Variants in SLC35C1 observed in about 807,000 individuals in gnomAD.
SLC35C1 encodes the protein GDP-fucose transporter 1.
SLC35C1 carries 8 observed loss-of-function variants against 23.2 expected under a neutral mutation model. The ratio of observed to expected loss-of-function variants is 0.35; its 90% CI spans 0.20 to 0.62. The LOEUF (loss-of-function observed/expected upper bound fraction) is 0.62. Among genes scored for constraint, SLC35C1 ranks in the 20% least tolerant of loss-of-function variants. The pLI, the probability that SLC35C1 is intolerant of heterozygous loss-of-function variation, is 0.75. For synonymous variants in SLC35C1, 226 were observed against 225.1 expected, an observed-to-expected ratio of 1.00 and a Z score of -0.04; for missense variants, 422 against 478.6, an observed-to-expected ratio of 0.88 and a Z score of 1.10.
intron 1 of SLC35C1, chr11:45,806,916 G>C: frequency 3.0e-6 from 3 of 985,106 alleles, no homozygotes; most frequent in Non-Finnish European, 3.6e-6. Context: ...GCTCAGGATA[G>C]CGCCTGAGAC....
chr11:45,812,287 C>T lies in SLC35C1; in HGVS notation c.*952C>T. 3.0e-6 allele frequency: 1 copy of T among 338,002 alleles called. No individual in the cohort carries two copies. Among genetic ancestry groups the T allele is most frequent in the South Asian group, 2.4e-5 (1 of 41,882 alleles). The allele number at this position is 338,002 out of a possible 1,614,324, so 20.9% of individuals were successfully genotyped here. ...AGCTGTGTCTGGCGCCCCTAGATCT[C>T]TGCAAGGGAGGTGTTACAGCTGGTT... On this transcript the variant is annotated 3_prime_UTR_variant, in exon 2 of 2. Coordinates refer to ENST00000314134, the MANE Select transcript of SLC35C1 (RefSeq NM_018389.5).
In SLC35C1 at chr11:45,812,669, G is replaced by C. The variant is rs2085963281; in HGVS notation, c.*1334G>C. 6.6e-6 allele frequency: 3 copies of C among 455,814 alleles called. No homozygotes were observed. The highest frequency in any genetic ancestry group is 3.1e-5 in the South Asian group (2 of 64,566). 28.2% of individuals were successfully genotyped at this position (455,814 alleles called of 1,614,324 possible). A position where few individuals can be genotyped will look rare whatever the true frequency, so the allele number is the denominator to read the frequency against. ...GGGTTCCGCCCCCATGACCCAATCA[G>C]CTCCAAAGGCCCCACCTCCTAATAC... On this transcript the variant is annotated 3_prime_UTR_variant, in exon 2 of 2. Coordinates refer to ENST00000314134, the MANE Select transcript of SLC35C1 (RefSeq NM_018389.5).
At position 45,806,474 on chromosome 11, in the gene SLC35C1, G is replaced by A. The variant is rs9787929; in HGVS notation, c.535+138G>A. On this transcript the variant is annotated intron_variant, in intron 1 of 1. Transcript: ENST00000314134. ...CAGTCATAGGAGAAAGAGCCTGGGG[G>A]CACAGAGAGAGCAAGTAACTTACTA... The A allele has an allele frequency of 0.09, 109,233 of 1,214,186 alleles. 8,213 individuals carry two copies. The highest frequency in any genetic ancestry group is 0.37 in the East Asian group (14,462 of 39,166). 75.2% of individuals were successfully genotyped at this position (1,214,186 alleles called of 1,614,324 possible).
intron 1 of SLC35C1, among the ~76,000 whole-genome samples, chr11:45,806,700 C>T (rs149108131): frequency 6.6e-4 from 101 of 152,308 alleles, no homozygotes; most frequent in African/African-American, 2.3e-3. Context: ...AACCAAGGCA[C>T]AGAGAAGTTA....
At chr11:45,809,664 A>T in intron 1 of SLC35C1, 1 of 722,080 alleles carries the variant, frequency 1.4e-6, no homozygotes, top group African/African-American at 1.9e-5. Context: ...GAGAGCTCAG[A>T]GTGGTTAAGT....
At position 45,806,130 on chromosome 11, in the gene SLC35C1, A is replaced by T; in HGVS notation, c.329A>T (p.Asp110Val). Reference protein sequence around the residue: ...GAVDFPSLRLDLRVARSVLPL... With the variant: ...GAVDFPSLRLVLRVARSVLPL... Reference sequence around the variant, plus strand: ...GTGGACTTCCCCAGCTTGCGCCTGGACCTCAGGGTGGCCCGCAGCGTCCTG... The same window carrying T: ...GTGGACTTCCCCAGCTTGCGCCTGGTCCTCAGGGTGGCCCGCAGCGTCCTG... Residue 110 changes from aspartate (D) to valine (V), a missense_variant, in exon 1 of 2, where the codon GAC (aspartate) becomes GTC (valine). Transcript: ENST00000314134. The T allele has an allele frequency of 6.2e-7, 1 of 1,607,036 alleles. No individual in the cohort carries two copies. The highest frequency in any genetic ancestry group is 8.5e-7 in the Non-Finnish European group (1 of 1,179,690).
At chr11:45,805,008 G>C (rs1388699717), upstream of SLC35C1, 1 of 985,684 alleles carries the variant, frequency 1.0e-6, no homozygotes, top group African/African-American at 1.7e-5. Context: ...GCAGCGGAGC[G>C]CAGGGGCGGG....
rs1434280362 is a variant in SLC35C1, at chr11:45,805,529, C to T, written c.-273C>T. On this transcript the variant is annotated 5_prime_UTR_variant, in exon 1 of 2. Coordinates refer to ENST00000314134, the MANE Select transcript of SLC35C1 (RefSeq NM_018389.5). ...TTCTCCCCTCACAGGTCTTCTCTGTCCTGGCCTCACCGCCTTATCCTATTC... is the reference window on the plus strand; with the variant it reads ...TTCTCCCCTCACAGGTCTTCTCTGTTCTGGCCTCACCGCCTTATCCTATTC... The T allele has an allele frequency of 2.9e-6, 4 of 1,393,104 alleles. No individual in the cohort carries two copies. The African/African-American group carries it at 4.4e-5, about 15-fold the overall frequency. 86.3% of individuals were successfully genotyped at this position (1,393,104 alleles called of 1,614,324 possible). A position where few individuals can be genotyped will look rare whatever the true frequency, so the allele number is the denominator to read the frequency against.
Position 45,812,438 on chromosome 11 carries a change from G to A in SLC35C1, c.*1103G>A, listed in dbSNP as rs891394788. Reference sequence around the variant, plus strand: ...CTCCTATATCAAAATGCCGTAGGCCGGGTGGCTTACAAACAACAGAAACGT... The same window carrying A: ...CTCCTATATCAAAATGCCGTAGGCCAGGTGGCTTACAAACAACAGAAACGT... On this transcript the variant is annotated 3_prime_UTR_variant, in exon 2 of 2. Coordinates refer to ENST00000314134, the MANE Select transcript of SLC35C1 (RefSeq NM_018389.5). 2.4e-5 allele frequency: 10 copies of A among 409,168 alleles called. No individual in the cohort carries two copies. Among genetic ancestry groups the A allele is most frequent in the East Asian group, 7.1e-5 (1 of 14,062 alleles). The allele number at this position is 409,168 out of a possible 1,614,324, so 25.3% of individuals were successfully genotyped here. A position where few individuals can be genotyped will look rare whatever the true frequency, so the allele number is the denominator to read the frequency against.
intron 1 of SLC35C1, 57 bp downstream of exon 1, chr11:45,806,393 A>G (rs2085878612): frequency 1.9e-6 from 3 of 1,591,222 alleles, no homozygotes; most frequent in Non-Finnish European, 2.6e-6. Flanking sequence ...GAAGCAGTGA[A>G]GAACAACTCT....
At chr11:45,808,629 C>G (rs540983206) in intron 1 of SLC35C1, among the ~76,000 whole-genome samples, 1 of 152,238 alleles carries the variant, frequency 6.6e-6, no homozygotes, top group African/African-American at 2.4e-5. Context: ...TGGTGCAGCC[C>G]TCTGCCCCCC....
Position 45,805,258 on chromosome 11 carries a change from GC to G in SLC35C1, c.-540del, listed in dbSNP as rs900033245. 6.1e-5 allele frequency: 61 copies of G among 1,000,316 alleles called. No homozygotes were observed. The African/African-American group carries it at 8.8e-4, about 14-fold the overall frequency. 62.0% of individuals were successfully genotyped at this position (1,000,316 alleles called of 1,614,324 possible). Reference sequence around the variant, plus strand: ...CGCGTCCTTCAGCCCCAAGCCCCGAGCCCCTCTGACCCTTCCGCAGCCCTCC... The same window carrying G: ...CGCGTCCTTCAGCCCCAAGCCCCGAGCCCTCTGACCCTTCCGCAGCCCTCC... On this transcript the variant is annotated 5_prime_UTR_variant, in exon 1 of 2. It removes the in-frame stop codon of an upstream open reading frame in the 5' UTR. Transcript: ENST00000314134.
At position 45,810,100 on chromosome 11, in the gene SLC35C1, C is replaced by G. The variant is rs2134596164; in HGVS notation, c.536-676C>G. 3.0e-6 allele frequency: 3 copies of G among 985,396 alleles called. No individual in the cohort carries two copies. In the South Asian group the frequency reaches 1.4e-4, roughly 46 times the overall value. 61.0% of individuals were successfully genotyped at this position (985,396 alleles called of 1,614,324 possible). ...CAGGGAAGCTGGGGCGACCATAGGACAGAGGAAGGGCCTGCACCCCCGCCT... is the reference window on the plus strand; with the variant it reads ...CAGGGAAGCTGGGGCGACCATAGGAGAGAGGAAGGGCCTGCACCCCCGCCT... On this transcript the variant is annotated intron_variant, in intron 1 of 1. Coordinates refer to ENST00000314134, the MANE Select transcript of SLC35C1 (RefSeq NM_018389.5).
rs909584854 is a variant in SLC35C1 at position 45,810,422 on chromosome 11, T to C, written c.536-354T>C. 4 of 985,300 alleles carry C rather than the reference T, an allele frequency of 4.1e-6. No individual in the cohort carries two copies. In the Admixed American group the frequency reaches 2.5e-4, roughly 61 times the overall value. 61.0% of individuals were successfully genotyped at this position (985,300 alleles called of 1,614,324 possible). A position where few individuals can be genotyped will look rare whatever the true frequency, so the allele number is the denominator to read the frequency against. On this transcript the variant is annotated intron_variant, in intron 1 of 1. Transcript: ENST00000314134. ...TTTCAGATGCCCCAGGCCAGCACAG[T>C]CGCCCACTTACAGGCTCTCACAGCA... is the stretch of plus-strand genomic sequence containing the variant.
rs1237412097 is a variant in SLC35C1, at chr11:45,811,644, C to T, written c.*309C>T. On this transcript the variant is annotated 3_prime_UTR_variant, in exon 2 of 2. Transcript: ENST00000314134. Reference sequence around the variant, plus strand: ...TGAGAGTTGAACCCCTTCCTTCTGCCTCCAGGGCCTGTCTGCCTCCACATC... The same window carrying T: ...TGAGAGTTGAACCCCTTCCTTCTGCTTCCAGGGCCTGTCTGCCTCCACATC... The T allele has an allele frequency of 6.8e-6, 2 of 294,518 alleles. No individual in the cohort carries two copies. The highest frequency in any genetic ancestry group is 9.0e-5 in the South Asian group (1 of 11,072). The allele number at this position is 294,518 out of a possible 1,614,324, so 18.2% of individuals were successfully genotyped here.
upstream of SLC35C1, chr11:45,804,986 C>T (rs2085851364): frequency 1.1e-5 from 11 of 985,656 alleles, no homozygotes; most frequent in South Asian, 4.7e-5. Flanking sequence ...CGAGGTCCCC[C>T]GCCAGCAGCG....
chr11:45,812,747 C>T lies in SLC35C1; in HGVS notation c.*1412C>T. ...GTGAATTTGCAGGGGGAGTGGGGGACACACACAAATTTCGGGGCCATACCA... is the reference window on the plus strand; with the variant it reads ...GTGAATTTGCAGGGGGAGTGGGGGATACACACAAATTTCGGGGCCATACCA... On this transcript the variant is annotated 3_prime_UTR_variant, in exon 2 of 2. Coordinates refer to ENST00000314134, the MANE Select transcript of SLC35C1 (RefSeq NM_018389.5). 2.3e-6 allele frequency: 1 copy of T among 441,990 alleles called. No homozygotes were observed. The highest frequency in any genetic ancestry group is 1.6e-5 in the South Asian group (1 of 63,728). The allele number at this position is 441,990 out of a possible 1,614,324, so 27.4% of individuals were successfully genotyped here.
Position 45,812,480 on chromosome 11 carries a change from G to C in SLC35C1, c.*1145G>C. On this transcript the variant is annotated 3_prime_UTR_variant, in exon 2 of 2. Coordinates refer to ENST00000314134, the MANE Select transcript of SLC35C1 (RefSeq NM_018389.5). The stretch of plus-strand genomic sequence containing the variant: ...CAGAAACGTATTGCTCACAGTCCTG[G>C]GGGGCTGGGACGCCCAAGATCAAGA... The C allele has an allele frequency of 2.2e-6, 1 of 453,120 alleles. No individual in the cohort carries two copies. Among genetic ancestry groups the C allele is most frequent in the Admixed American group, 2.4e-5 (1 of 42,432 alleles). 28.1% of individuals were successfully genotyped at this position (453,120 alleles called of 1,614,324 possible). A position where few individuals can be genotyped will look rare whatever the true frequency, so the allele number is the denominator to read the frequency against.
Position 45,811,327 on chromosome 11 carries a change from G to A in SLC35C1, c.1087G>A (p.Gly363Arg). Residue 363 changes from glycine (G) to arginine (R), a missense_variant, in exon 2 of 2, where the codon GGG (glycine) becomes AGG (arginine). Transcript: ENST00000314134. ...SPKDSEKSAM[G>R]V ...CAAAGACAGCGAGAAGAGCGCCATG[G>A]GGGTGTGAGCACCACAGGCACCCTG... 1 of 1,519,586 alleles carries A rather than the reference G, an allele frequency of 6.6e-7. No individual in the cohort carries two copies. The highest frequency in any genetic ancestry group is 8.7e-7 in the Non-Finnish European group (1 of 1,143,794). The allele number at this position is 1,519,586 out of a possible 1,614,324, so 94.1% of individuals were successfully genotyped here. A position where few individuals can be genotyped will look rare whatever the true frequency, so the allele number is the denominator to read the frequency against.
Sources: gnomAD v4.1 joint callset for allele counts (sites outside exome capture counted in the v4.1 genomes callset) on GRCh38, gnomAD v4.1.1 for gene constraint, MANE v1.5 for transcripts, NCBI Gene and HGNC (gene_info 2026-07-23, HGNC 2026-07-21) for gene names.